The following TBCB variants were observed in gnomAD, a reference collection of about 807,000 sequenced individuals.
TBCB encodes the protein tubulin-folding cofactor B.
A neutral mutation model predicts 29.2 loss-of-function variants in TBCB; 18 were observed. The ratio of observed to expected loss-of-function variants is 0.62; its 90% CI spans 0.43 to 0.91. TBCB has a LOEUF of 0.91. Ranked by LOEUF, TBCB falls within the 40% of genes least tolerant of loss-of-function variation. The probability of loss-of-function intolerance (pLI) is 0.00; values close to 1 mark genes in which losing one functional copy is unlikely to be tolerated. For missense variants in TBCB, 336 were observed against 337.6 expected (o/e 1.00, Z 0.04); for synonymous variants, 172 against 137.8 (o/e 1.25, Z -1.74).
chr19:36,122,619 G>A (rs1425190063), intron 4 of TBCB, among the ~76,000 whole-genome samples: 1 of 151,310 alleles, frequency 6.6e-6, no homozygotes, highest in Non-Finnish European at 1.5e-5. Context: ...AGTTGTGGTG[G>A]TGAGCACCTA....
chr19:36,116,182 C>A lies in TBCB; in HGVS notation c.256C>A (p.His86Asn). 1 of 1,613,890 alleles carries A rather than the reference C, an allele frequency of 6.2e-7. No individual in the cohort carries two copies. Among genetic ancestry groups the A allele is most frequent in the Non-Finnish European group, 8.5e-7 (1 of 1,179,846 alleles). Residue 86 changes from histidine to asparagine, a missense_variant and splice_region_variant, in exon 2 of 6, where the codon CAC (histidine) becomes AAC (asparagine). By Grantham distance (68) the His-to-Asn change is moderately conservative. Coordinates refer to ENST00000221855, the MANE Select transcript of TBCB (RefSeq NM_001281.3). ...CCCTGTAGATGACGGCTGCCGCATC[C>A]ACGTGAGGACTCTCTATCTGGGACA... The part of the protein sequence containing the change: ...SYPVDDGCRI[H>N]VIDHSGARLG...
Position 36,125,711 on chromosome 19 carries a change from G to A in TBCB, c.664G>A (p.Ala222Thr), listed in dbSNP as rs773819996. Residue 222 changes from alanine to threonine, a missense_variant, in exon 6 of 6, where the codon GCC (alanine) becomes ACC (threonine). Ala to Thr is a moderately conservative substitution (Grantham distance 58). Transcript: ENST00000221855. ...CTTCGAATGCCAGGCCAAGTATGGC[G>A]CCTTTGTCAAGCCAGCAGTCGTGAC... Reference protein sequence around the residue: ...RYFECQAKYGAFVKPAVVTVG... With the variant: ...RYFECQAKYGTFVKPAVVTVG... 7 of 1,582,538 alleles carry A rather than the reference G, an allele frequency of 4.4e-6. No homozygotes were observed. The highest frequency in any genetic ancestry group is 2.2e-5 in the East Asian group (1 of 44,580).
intron 2 of TBCB, among the ~76,000 whole-genome samples, chr19:36,120,194 A>G (rs1568382741): frequency 6.6e-6 from 1 of 152,092 alleles, no homozygotes; most frequent in African/African-American, 2.4e-5. Flanking sequence ...TCCCTGCACA[A>G]TGAGCACAGC....
intron 4 of TBCB, among the ~76,000 whole-genome samples, chr19:36,124,343 C>T (rs886341615): frequency 2.8e-4 from 43 of 152,042 alleles, no homozygotes; most frequent in Non-Finnish European, 3.7e-4. Flanking sequence ...GCCTCAGCCT[C>T]CCGAGTAGCT....
chr19:36,122,754 CAAAAAAAAA>C (rs200939642), intron 4 of TBCB, among the ~76,000 whole-genome samples: 1 of 62,800 alleles, frequency 1.6e-5, no homozygotes, highest in Admixed American at 1.8e-4. Context: ...ACCCTGTCTC[CAAAAAAAAA>C]AAAAAAAAAA....
intron 4 of TBCB, among the ~76,000 whole-genome samples, chr19:36,124,500 C>T (rs1974105416): frequency 6.6e-6 from 1 of 152,144 alleles, no homozygotes; most frequent in African/African-American, 2.4e-5. Context: ...GCTAGGATTA[C>T]AAACATGAGC....
In TBCB at chr19:36,119,008, G is replaced by T. The variant is rs185255944; in HGVS notation, c.259-1702G>T. Among the ~76,000 whole-genome samples the T allele has an allele frequency of 1.6e-3, 238 of 152,166 alleles. 2 individuals carry two copies. The highest frequency in any genetic ancestry group is 5.2e-3 in the African/African-American group (216 of 41,494). ...CTGGGTGCACAGGACTGAGCCTTTG[G>T]GCCACCCTGGGCAGCTGAAGCTAAG... is the stretch of plus-strand genomic sequence containing the variant. On this transcript the variant is annotated intron_variant, in intron 2 of 5. Coordinates refer to ENST00000221855, the MANE Select transcript of TBCB (RefSeq NM_001281.3).
Position 36,115,488 on chromosome 19 carries a change from A to AGCGGCG in TBCB, c.-64_-59dup, listed in dbSNP as rs954418313. On this transcript the variant is annotated 5_prime_UTR_variant, in exon 1 of 6. Transcript: ENST00000221855. ...GCGGGGCTGATAGCCCAGCAGCAGC[A>AGCGGCG]GCGGCGGCGGCGGCTGCGGAGCGGG... The AGCGGCG allele has an allele frequency of 3.6e-5, 41 of 1,149,050 alleles. No individual in the cohort carries two copies. The highest frequency in any genetic ancestry group is 2.6e-4 in the Middle Eastern group (1 of 3,796). 71.2% of individuals were successfully genotyped at this position (1,149,050 alleles called of 1,614,324 possible).
chr19:36,121,162 G>A lies in TBCB; in HGVS notation c.355+356G>A, dbSNP rs138984946. On this transcript the variant is annotated intron_variant, in intron 3 of 5. Coordinates refer to ENST00000221855, the MANE Select transcript of TBCB (RefSeq NM_001281.3). ...GGACAGGTGGAATGCGAGTGGACAG[G>A]GTGGCGGTCAGTGAGGGCGCCTGGG... 4.0e-3 allele frequency among the ~76,000 whole-genome samples: 596 copies of A among 150,084 alleles called. 2 individuals are homozygous for A. Among genetic ancestry groups the A allele is most frequent in the African/African-American group, 0.013 (518 of 40,592 alleles).
chr19:36,121,966 A>C, intron 4 of TBCB: 1 of 585,952 alleles, frequency 1.7e-6, no homozygotes, highest in Non-Finnish European at 3.0e-6. Context: ...CAGAAGCCAG[A>C]GGCACGCGGC....
chr19:36,120,200 A>G (rs966435643), intron 2 of TBCB, among the ~76,000 whole-genome samples: 1 of 152,160 alleles, frequency 6.6e-6, no homozygotes, highest in African/African-American at 2.4e-5. Flanking sequence ...CACAATGAGC[A>G]CAGCCTGAGG....
intron 4 of TBCB, 63 bp from the exon 5 acceptor site, chr19:36,125,388 G>T: frequency 6.3e-7 from 1 of 1,584,830 alleles, no homozygotes; most frequent in Non-Finnish European, 8.7e-7. Flanking sequence ...GGGTGATCCT[G>T]AAATTTCATG....
intron 4 of TBCB, 189 bp downstream of exon 4, chr19:36,121,907 A>C: frequency 1.3e-6 from 1 of 778,346 alleles, no homozygotes; most frequent in South Asian, 1.8e-5. Flanking sequence ...GTGTTTGTGG[A>C]GGGAAGTGGG....
At chr19:36,122,064 T>G in intron 4 of TBCB, 2 of 382,162 alleles carry the variant, frequency 5.2e-6, no homozygotes, top group South Asian at 5.1e-5. Context: ...CACAGGGGGC[T>G]GTGTGAGCCC....
Position 36,125,475 on chromosome 19 carries a change from A to G in TBCB, c.572A>G (p.Tyr191Cys). Residue 191 changes from tyrosine to cysteine, a missense_variant, in exon 5 of 6, where the codon TAC becomes TGC. Coordinates refer to ENST00000221855, the MANE Select transcript of TBCB (RefSeq NM_001281.3). ...YVGLTDFKPG[Y>C]WIGVRYDEPL... ...GGTCTCACAGATTTCAAGCCTGGCT[A>G]CTGGATTGGTGTCCGCTATGATGAG... 1 of 1,614,252 alleles carries G rather than the reference A, an allele frequency of 6.2e-7. No homozygotes were observed.
intron 4 of TBCB, among the ~76,000 whole-genome samples, chr19:36,122,613 G>A (rs955793954): frequency 5.3e-5 from 8 of 150,538 alleles, no homozygotes; most frequent in African/African-American, 2.0e-4. Flanking sequence ...TTTGTCAGTT[G>A]TGGTGGTGAG....
chr19:36,115,734 A>C (rs1364255401), intron 1 of TBCB, 60 bp downstream of exon 1: 62 of 277,158 alleles, frequency 2.2e-4, no homozygotes, highest in East Asian at 6.3e-4. Flanking sequence ...GGTTCCCGGA[A>C]GGGGGAGGCT....
chr19:36,122,464 G>A (rs1194781737), intron 4 of TBCB, among the ~76,000 whole-genome samples: 2 of 151,408 alleles, frequency 1.3e-5, no homozygotes, highest in Non-Finnish European at 2.9e-5. Context: ...GCTGGGTGCA[G>A]TGGCTCACAC....
intron 2 of TBCB, among the ~76,000 whole-genome samples, chr19:36,119,200 A>T (rs1046697481): frequency 2.6e-5 from 4 of 152,186 alleles, no homozygotes; most frequent in African/African-American, 9.7e-5. Context: ...CTCTTTATAA[A>T]TATCACCCAT....
Sources: allele counts gnomAD v4.1 joint callset (sites outside exome capture counted in the v4.1 genomes callset), GRCh38; gene constraint gnomAD v4.1.1; transcripts MANE v1.5; gene names NCBI Gene and HGNC (gene_info 2026-07-23, HGNC 2026-07-21).